Variants in TMEM181 observed in about 807,000 individuals in gnomAD.
TMEM181 encodes transmembrane protein 181.
A neutral mutation model predicts 71.9 loss-of-function variants in TMEM181; 39 were observed. The observed-to-expected ratio is 0.54, with a 90% CI of 0.42 to 0.71. TMEM181 has a LOEUF of 0.71. Among genes scored for constraint, TMEM181 ranks in the 30% least tolerant of loss-of-function variants. TMEM181 has a pLI of 0.00. For missense variants in TMEM181, 595 were observed against 583.0 expected, an observed-to-expected ratio of 1.02 and a Z score of -0.21; for synonymous variants, 245 against 228.8, an observed-to-expected ratio of 1.07 and a Z score of -0.64.
At chr6:158,619,867 C>CAAA (rs61626531) in intron 10 of TMEM181, among the ~76,000 whole-genome samples, 69 of 67,666 alleles carry the variant, frequency 1.0e-3, no homozygotes, top group African/African-American at 3.0e-3. Context: ...GACTCCGTCT[C>CAAA]AAAAAAAAAA....
intron 7 of TMEM181, 66 bp from the exon 8 acceptor site, chr6:158,607,178 T>G: frequency 7.6e-7 from 1 of 1,316,916 alleles, no homozygotes; most frequent in Non-Finnish European, 1.1e-6. Context: ...GCCGGCAAGG[T>G]GTGAGCAAAG....
intron 6 of TMEM181, among the ~76,000 whole-genome samples, chr6:158,597,276 A>G (rs965306325): frequency 2.0e-5 from 3 of 152,166 alleles, no homozygotes; most frequent in Non-Finnish European, 2.9e-5. Flanking sequence ...GTCTTAGTCT[A>G]TGCTTCTGTA....
chr6:158,547,711 C>T (rs1008185551), intron 1 of TMEM181, among the ~76,000 whole-genome samples: 1 of 151,938 alleles, frequency 6.6e-6, no homozygotes, highest in Non-Finnish European at 1.5e-5. Context: ...TTGACAGGCC[C>T]CCCAGGCCCC....
intron 6 of TMEM181, among the ~76,000 whole-genome samples, chr6:158,599,349 G>T (rs1171502581): frequency 6.6e-6 from 1 of 152,140 alleles, no homozygotes; most frequent in Non-Finnish European, 1.5e-5. Context: ...AGGTAACTTC[G>T]TGGTGTCACA....
At chr6:158,618,852 GAGATCAGCTAT>G in intron 10 of TMEM181, among the ~76,000 whole-genome samples, 1 of 152,248 alleles carries the variant, frequency 6.6e-6, no homozygotes, top group East Asian at 1.9e-4. Context: ...TTTCTGCTGA[GAGATCAGCTAT>G]TATTCTGATG....
chr6:158,566,545 G>T (rs1782508092), intron 1 of TMEM181, among the ~76,000 whole-genome samples: 1 of 55,872 alleles, frequency 1.8e-5, no homozygotes, highest in Admixed American at 2.1e-4. Flanking sequence ...GTGATGGGGT[G>T]GAGGGAGGTG....
At chr6:158,566,226 G>A (rs1018913689) in intron 1 of TMEM181, among the ~76,000 whole-genome samples, 1 of 152,118 alleles carries the variant, frequency 6.6e-6, no homozygotes, top group Non-Finnish European at 1.5e-5. Context: ...AGCCAAACGG[G>A]CATGCCAAGT....
intron 10 of TMEM181, among the ~76,000 whole-genome samples, chr6:158,611,845 A>C (rs1785336218): frequency 6.6e-6 from 1 of 152,224 alleles, no homozygotes; most frequent in Non-Finnish European, 1.5e-5. Flanking sequence ...TTACAGGCTA[A>C]GAGTATTTAA....
At position 158,580,977 on chromosome 6, in the gene TMEM181, A is replaced by G; in HGVS notation, c.150A>G (p.Ser50=). ...TCCAGACTTCTGCGGCTAATTTTTC[A>G]CTAAATAATAGCAAAAAGGTAAGAC... ...KVIQTSAANF[S]LNNSKKLKPI... Residue 50 remains serine, a synonymous_variant, in exon 3 of 17, where the codon TCA becomes TCG. Transcript: ENST00000684151. The G allele has an allele frequency of 2.5e-6, 4 of 1,610,248 alleles. No individual in the cohort carries two copies. Among genetic ancestry groups the G allele is most frequent in the Non-Finnish European group, 3.4e-6 (4 of 1,176,878 alleles).
chr6:158,616,847 G>A (rs182488890), intron 10 of TMEM181, among the ~76,000 whole-genome samples: 12 of 152,250 alleles, frequency 7.9e-5, no homozygotes, highest in Admixed American at 3.9e-4. Flanking sequence ...ACTTGATCGT[G>A]GTGGATAAGC....
Position 158,608,707 on chromosome 6 carries a change from G to A in TMEM181, c.853G>A (p.Gly285Arg), listed in dbSNP as rs760053414. ...TFYLPKFFIV[G>R]LLWLASVTLG... ...CTATTTGCCTAAATTCTTCATTGTT[G>A]GACTATTGTGGTTGGCTTCTGTTAC... Residue 285 changes from glycine to arginine, a missense_variant, in exon 10 of 17, where the codon GGA becomes AGA. Transcript: ENST00000684151. 1 of 1,613,310 alleles carries A rather than the reference G, an allele frequency of 6.2e-7. No homozygotes were observed. Among genetic ancestry groups the A allele is most frequent in the Non-Finnish European group, 8.5e-7 (1 of 1,179,858 alleles).
In TMEM181 at chr6:158,608,218, C is replaced by T. The variant is rs141605677; in HGVS notation, c.674-115C>T. On this transcript the variant is annotated intron_variant, in intron 8 of 16. Transcript: ENST00000684151. ...GGTGCTGTCTGCCAGGTGCTGACCC[C>T]GCAGAGGTATGGGGTGCTCTCTGCT... 4,326 of 733,886 alleles carry T rather than the reference C, an allele frequency of 5.9e-3. 111 individuals carry two copies. The African/African-American group carries it at 0.092, about 16-fold the overall frequency. The allele number at this position is 733,886 out of a possible 1,614,324, so 45.5% of individuals were successfully genotyped here. A position where few individuals can be genotyped will look rare whatever the true frequency, so the allele number is the denominator to read the frequency against.
rs778291505 is a variant in TMEM181 at position 158,589,651 on chromosome 6, A to T, written c.382-21A>T. ...GTGAGTCTCGCTTTCTTTAAAGGCA[A>T]ATCTTTCTGTGTATTTGCAGAAATG... On this transcript the variant is annotated intron_variant, in intron 5 of 16. Coordinates refer to ENST00000684151, the MANE Select transcript of TMEM181 (RefSeq NM_001376852.1). 17 of 1,597,902 alleles carry T rather than the reference A, an allele frequency of 1.1e-5. No homozygotes were observed. In the Admixed American group the frequency reaches 2.7e-4, roughly 25 times the overall value.
At chr6:158,613,270 T>G (rs777952272) in intron 10 of TMEM181, among the ~76,000 whole-genome samples, 6 of 152,256 alleles carry the variant, frequency 3.9e-5, no homozygotes, top group Non-Finnish European at 7.3e-5. Context: ...CTCTCCAGTT[T>G]ACCATTTTTA....
chr6:158,536,741 G>A lies in TMEM181; in HGVS notation c.7G>A (p.Ala3Thr), dbSNP rs375585407. ...ACCCGGGAGGCTGCGCGGCATGGAC[G>A]CCGAGTACCCTGCCTTTGAGCCCCC... is the stretch of plus-strand genomic sequence containing the variant. The change falls in exon 1 of 17, where the codon GCC becomes ACC. Residue 3 changes from alanine (A) to threonine (T), a missense_variant. Coordinates refer to the TMEM181 transcript ENST00000367090. 1.3e-5 allele frequency: 21 copies of A among 1,576,462 alleles called. No homozygotes were observed. The African/African-American group carries it at 2.6e-4, about 20-fold the overall frequency.
At chr6:158,550,966 CTTT>C (rs371934475) in intron 1 of TMEM181, among the ~76,000 whole-genome samples, 1 of 132,954 alleles carries the variant, frequency 7.5e-6, no homozygotes, top group African/African-American at 2.8e-5. Context: ...TTATCAATTC[CTTT>C]TTTTTTTTTT....
At chr6:158,585,558 T>A (rs1783721888) in intron 5 of TMEM181, 133 bp downstream of exon 5, 2 of 1,184,302 alleles carry the variant, frequency 1.7e-6, no homozygotes, top group Non-Finnish European at 2.2e-6. Context: ...AAAAATGGAG[T>A]CATACCAAAG....
upstream of TMEM181, among the ~76,000 whole-genome samples, chr6:158,556,981 C>T (rs1344694650): frequency 6.6e-6 from 1 of 152,144 alleles, no homozygotes; most frequent in African/African-American, 2.4e-5. Flanking sequence ...CTCAAGTGAT[C>T]CGTGCTCTTC....
chr6:158,578,131 A>G (rs951713117), intron 2 of TMEM181, among the ~76,000 whole-genome samples: 6 of 152,192 alleles, frequency 3.9e-5, no homozygotes, highest in Admixed American at 3.9e-4. Flanking sequence ...CAAAACTGTC[A>G]GTCAAGAATC....
Sources: allele counts gnomAD v4.1 joint callset (sites outside exome capture counted in the v4.1 genomes callset), GRCh38; gene constraint gnomAD v4.1.1; transcripts MANE v1.5; gene names NCBI Gene and HGNC (gene_info 2026-07-23, HGNC 2026-07-21).